Variants in ZNF609 observed in about 807,000 individuals in gnomAD.
ZNF609 encodes the protein zinc finger protein 609.
ZNF609 carries 11 observed loss-of-function variants against 109.5 expected under a neutral mutation model. The ratio of observed to expected loss-of-function variants is 0.10; its 90% CI spans 0.06 to 0.17. The LOEUF (loss-of-function observed/expected upper bound fraction) is 0.17. Ranked by LOEUF, ZNF609 falls within the 10% of genes least tolerant of loss-of-function variation. The pLI is 1.00. For synonymous variants in ZNF609, 646 were observed against 662.0 expected (o/e 0.98, Z 0.37); for missense variants, 1,559 against 1,772.4 (o/e 0.88, Z 2.16).
intron 2 of ZNF609, among the ~76,000 whole-genome samples, chr15:64,517,962 C>T (rs755770422): frequency 7.9e-5 from 12 of 151,542 alleles, no homozygotes; most frequent in East Asian, 3.9e-4. Flanking sequence ...GATTTTTTGT[C>T]GAGACAGGGT....
chr15:64,527,538 T>C (rs1281170498), intron 2 of ZNF609, among the ~76,000 whole-genome samples: 3 of 152,160 alleles, frequency 2.0e-5, no homozygotes, highest in Non-Finnish European at 4.4e-5. Context: ...TGCCCTGACA[T>C]CTTTACTAAA....
chr15:64,586,599 C>G (rs1298496095), intron 2 of ZNF609, among the ~76,000 whole-genome samples: 1 of 152,062 alleles, frequency 6.6e-6, no homozygotes. Context: ...TAATGAATGC[C>G]TGATGATCTG....
chr15:64,563,172 G>A (rs1258879764), intron 2 of ZNF609, among the ~76,000 whole-genome samples: 1 of 150,934 alleles, frequency 6.6e-6, no homozygotes, highest in African/African-American at 2.4e-5. Flanking sequence ...ATTTTAGTCT[G>A]GGCATGGTGG....
chr15:64,531,242 G>A (rs1011807242), intron 2 of ZNF609, among the ~76,000 whole-genome samples: 5 of 152,090 alleles, frequency 3.3e-5, no homozygotes, highest in Admixed American at 1.3e-4. Context: ...GGATATTCTA[G>A]ACCTGGTCCC....
chr15:64,526,466 A>G (rs1185186883), intron 2 of ZNF609, among the ~76,000 whole-genome samples: 11 of 152,174 alleles, frequency 7.2e-5, no homozygotes, highest in Admixed American at 7.2e-4. Flanking sequence ...TTTTCTAGCT[A>G]TAACCTCCAG....
At chr15:64,664,263 T>C (rs991319095) in intron 3 of ZNF609, among the ~76,000 whole-genome samples, 1 of 152,030 alleles carries the variant, frequency 6.6e-6, no homozygotes, top group Non-Finnish European at 1.5e-5. Flanking sequence ...GGAACCTGAC[T>C]AGTGCCTCAT....
intron 2 of ZNF609, among the ~76,000 whole-genome samples, chr15:64,618,031 A>G (rs1895825849): frequency 6.6e-6 from 1 of 152,092 alleles, no homozygotes; most frequent in East Asian, 1.9e-4. Context: ...TAATATTCCT[A>G]TACCTTATTT....
At chr15:64,551,368 A>G (rs1031031549) in intron 2 of ZNF609, among the ~76,000 whole-genome samples, 1 of 152,158 alleles carries the variant, frequency 6.6e-6, no homozygotes, top group African/African-American at 2.4e-5. Flanking sequence ...AGAAAAGTAG[A>G]TGTCTTGCTT....
intron 3 of ZNF609, among the ~76,000 whole-genome samples, chr15:64,624,066 A>C (rs141415049): frequency 6.6e-6 from 1 of 152,192 alleles, no homozygotes; most frequent in Non-Finnish European, 1.5e-5. Flanking sequence ...GTTCCCCTGA[A>C]TATTTTGTTG....
chr15:64,523,442 CA>C (rs1405386128), intron 2 of ZNF609, among the ~76,000 whole-genome samples: 1 of 152,078 alleles, frequency 6.6e-6, no homozygotes, highest in Non-Finnish European at 1.5e-5. Flanking sequence ...AAGAGCCTGA[CA>C]TAAGAATTTC....
chr15:64,522,200 G>T (rs1893901438), intron 2 of ZNF609, among the ~76,000 whole-genome samples: 2 of 152,182 alleles, frequency 1.3e-5, no homozygotes. Flanking sequence ...TACTAACGAG[G>T]TTTCAGCATT....
At chr15:64,531,690 C>T (rs7182898) in intron 2 of ZNF609, among the ~76,000 whole-genome samples, 1,706 of 152,244 alleles carry the variant, frequency 0.011, 17 homozygotes, top group Middle Eastern at 0.027. Context: ...AGCCATTGTG[C>T]CCAGCCTTAT....
In ZNF609 at chr15:64,675,791, T is replaced by C. The variant is rs771573844; in HGVS notation, c.2937T>C (p.Tyr979=). 3.7e-6 allele frequency: 6 copies of C among 1,614,208 alleles called. No homozygotes were observed. In the South Asian group the frequency reaches 5.5e-5, roughly 15 times the overall value. The change falls in exon 5 of 10, where the codon TAT becomes TAC. Residue 979 remains tyrosine (Y), a synonymous_variant. Coordinates refer to ENST00000326648, the MANE Select transcript of ZNF609 (RefSeq NM_015042.2). ...CCCTGTACTACAACCAGTATGCCTA[T>C]GTACCCCCCTATGGCTACAGCGACC... ...MQSLYYNQYA[Y]VPPYGYSDQS... is the part of the protein sequence containing the mutation.
At chr15:64,485,694 A>C (rs925762714) in intron 1 of ZNF609, among the ~76,000 whole-genome samples, 1 of 152,062 alleles carries the variant, frequency 6.6e-6, no homozygotes, top group Non-Finnish European at 1.5e-5. Context: ...AGTCCCAGCT[A>C]TTCTGGAAGC....
At position 64,685,906 on chromosome 15, in the gene ZNF609, CAA is replaced by C. The variant is rs1218565636; in HGVS notation, c.*4222_*4223del. ...GGTATACTCTGAAACACAGCCCAAC[CAA>C]ACCATTGTTTGGCCGCTTTCTCTTT... is the stretch of plus-strand genomic sequence containing the variant. On this transcript the variant is annotated 3_prime_UTR_variant, in exon 10 of 10. Coordinates refer to ENST00000326648, the MANE Select transcript of ZNF609 (RefSeq NM_015042.2). The C allele has an allele frequency of 6.6e-6, 1 of 152,212 alleles. No individual in the cohort carries two copies. Among genetic ancestry groups the C allele is most frequent in the Non-Finnish European group, 1.5e-5 (1 of 68,034 alleles). The allele number at this position is 152,212 out of a possible 1,614,324, so 9.4% of individuals were successfully genotyped here. A position where few individuals can be genotyped will look rare whatever the true frequency, so the allele number is the denominator to read the frequency against.
chr15:64,657,522 G>A (rs1460540708), intron 3 of ZNF609, among the ~76,000 whole-genome samples: 1 of 152,244 alleles, frequency 6.6e-6, no homozygotes, highest in South Asian at 2.1e-4. Flanking sequence ...GCTGAGGCAG[G>A]AGAATCACTT....
chr15:64,461,791 A>G (rs1156347401), intron 1 of ZNF609, among the ~76,000 whole-genome samples: 1 of 152,180 alleles, frequency 6.6e-6, no homozygotes, highest in Non-Finnish European at 1.5e-5. Flanking sequence ...CCATGTGTCC[A>G]GAGCCTAAGG....
intron 2 of ZNF609, among the ~76,000 whole-genome samples, chr15:64,574,614 C>G (rs1026152652): frequency 6.6e-6 from 1 of 152,118 alleles, no homozygotes; most frequent in Non-Finnish European, 1.5e-5. Flanking sequence ...CCTGGGAGTT[C>G]AAATTCAAGG....
chr15:64,603,497 G>C (rs1322865068), intron 2 of ZNF609, among the ~76,000 whole-genome samples: 1 of 151,400 alleles, frequency 6.6e-6, no homozygotes, highest in Non-Finnish European at 1.5e-5. Flanking sequence ...TCAAACTCCT[G>C]ACCTCAGGTG....
Sources: allele counts gnomAD v4.1 joint callset (sites outside exome capture counted in the v4.1 genomes callset), GRCh38; gene constraint gnomAD v4.1.1; transcripts MANE v1.5; gene names NCBI Gene and HGNC (gene_info 2026-07-23, HGNC 2026-07-21).